Variants in TIAM1 observed in about 807,000 individuals in gnomAD.
TIAM1 encodes rho guanine nucleotide exchange factor TIAM1.
TIAM1 carries 65 observed loss-of-function variants against 163.5 expected under a neutral mutation model. That is an observed-to-expected ratio of 0.40 (90% CI 0.33 to 0.49). TIAM1 has a LOEUF of 0.49. TIAM1 is among the 20% of genes least tolerant of loss of function. The pLI is 0.77. For missense variants in TIAM1, 1,789 were observed against 2,044.7 expected, an observed-to-expected ratio of 0.87 and a Z score of 2.41; for synonymous variants, 833 against 810.1, an observed-to-expected ratio of 1.03 and a Z score of -0.48.
At chr21:31,164,824 T>G in intron 16 of TIAM1, 138 bp downstream of exon 16, 1 of 747,834 alleles carries the variant, frequency 1.3e-6, no homozygotes, top group Non-Finnish European at 2.2e-6. Flanking sequence ...CATTTCCTGC[T>G]ATTCAGCAAC....
chr21:31,364,677 A>ATGGG (rs1051441072), intron 2 of TIAM1, among the ~76,000 whole-genome samples: 30 of 152,102 alleles, frequency 2.0e-4, no homozygotes, highest in African/African-American at 6.0e-4. Context: ...GGACGGATGG[A>ATGGG]TGGATGGGTG....
In TIAM1 at chr21:31,252,208, G is replaced by C; in HGVS notation, c.964-19C>G. The stretch of plus-strand genomic sequence containing the variant: ...TAACATCCTTGGGAGCAGAAAGAGA[G>C]AGCAAAGAAGACAAGCGTCACGTGG... On this transcript the variant is annotated intron_variant, in intron 4 of 27. Coordinates refer to ENST00000541036, the MANE Select transcript of TIAM1 (RefSeq NM_001353694.2). 1 of 1,593,472 alleles carries C rather than the reference G, an allele frequency of 6.3e-7. No homozygotes were observed. The highest frequency in any genetic ancestry group is 1.3e-5 in the African/African-American group (1 of 74,862).
chr21:31,212,821 C>G (rs8130412), intron 10 of TIAM1: 15,013 of 151,324 alleles, frequency 0.099, 2,370 homozygotes, highest in African/African-American at 0.34. Flanking sequence ...TGTTAGCCAG[C>G]ATGGTCTCCA....
intron 1 of TIAM1, among the ~76,000 whole-genome samples, chr21:31,481,279 A>C (rs187377427): frequency 6.6e-6 from 1 of 152,286 alleles, no homozygotes; most frequent in East Asian, 1.9e-4. Flanking sequence ...CTTCCAAGTT[A>C]AGCCATAGCT....
At chr21:31,123,065 C>T (rs1376496134) in intron 27 of TIAM1, among the ~76,000 whole-genome samples, 2 of 152,218 alleles carry the variant, frequency 1.3e-5, no homozygotes, top group African/African-American at 4.8e-5. Flanking sequence ...GCTATGACAT[C>T]AAGGCTTTCT....
chr21:31,491,861 C>T (rs2409409), intron 1 of TIAM1, among the ~76,000 whole-genome samples: 34,735 of 151,976 alleles, frequency 0.23, 4,137 homozygotes, highest in African/African-American at 0.27. Context: ...TAAATCAGTA[C>T]ATAAATCATC....
chr21:31,512,617 CTTT>C (rs35338359), intron 1 of TIAM1, among the ~76,000 whole-genome samples: 23 of 121,728 alleles, frequency 1.9e-4, no homozygotes, highest in East Asian at 4.5e-4. Context: ...TTTTTCTTTT[CTTT>C]TTTTTTTTTT....
intron 6 of TIAM1, among the ~76,000 whole-genome samples, chr21:31,237,633 A>G (rs946532524): frequency 6.6e-6 from 1 of 152,206 alleles, no homozygotes; most frequent in African/African-American, 2.4e-5. Context: ...GACTTTCTAA[A>G]TGATGAGAAA....
At chr21:31,231,719 T>C (rs1422352960) in intron 6 of TIAM1, among the ~76,000 whole-genome samples, 1 of 152,000 alleles carries the variant, frequency 6.6e-6, no homozygotes, top group Non-Finnish European at 1.5e-5. Context: ...CTTTGCATGA[T>C]GAAAAAGAGT....
chr21:31,141,081 T>C lies in TIAM1; in HGVS notation c.3774+37A>G. The C allele has an allele frequency of 6.6e-7, 1 of 1,504,130 alleles. No homozygotes were observed. The highest frequency in any genetic ancestry group is 1.8e-4 in the Middle Eastern group (1 of 5,674). The allele number at this position is 1,504,130 out of a possible 1,614,324, so 93.2% of individuals were successfully genotyped here. ...AATAAAAGCAAACTCAAACTCGGCTTTCCTGACAGATGTCCTGAGAAGATG... is the reference window on the plus strand; with the variant it reads ...AATAAAAGCAAACTCAAACTCGGCTCTCCTGACAGATGTCCTGAGAAGATG... On this transcript the variant is annotated intron_variant, in intron 22 of 27. Transcript: ENST00000541036. The surrounding 1 kb of genome is among the most constrained non-coding windows in gnomAD (Gnocchi z 4.7).
chr21:31,242,800 C>G (rs549401201), intron 6 of TIAM1, among the ~76,000 whole-genome samples: 3 of 135,238 alleles, frequency 2.2e-5, no homozygotes, highest in Non-Finnish European at 3.1e-5. Context: ...TCAGAAAAGT[C>G]AGATCCAAAA....
chr21:31,306,732 C>T (rs150365155), intron 2 of TIAM1, among the ~76,000 whole-genome samples: 1 of 152,168 alleles, frequency 6.6e-6, no homozygotes, highest in Non-Finnish European at 1.5e-5. Context: ...AAAGTATCAA[C>T]GTTGTAAGTC....
chr21:31,428,625 G>T (rs1415816791), intron 2 of TIAM1, among the ~76,000 whole-genome samples: 1 of 152,206 alleles, frequency 6.6e-6, no homozygotes, highest in Non-Finnish European at 1.5e-5. Context: ...GCTCATGCCT[G>T]TAATTCCAGC....
chr21:31,301,183 C>T (rs1220243205), intron 2 of TIAM1, among the ~76,000 whole-genome samples: 8 of 152,194 alleles, frequency 5.3e-5, no homozygotes, highest in Non-Finnish European at 7.3e-5. Flanking sequence ...AGCTCGAATG[C>T]AGATGTGCTA....
At chr21:31,309,097 A>C (rs1305386190) in intron 2 of TIAM1, among the ~76,000 whole-genome samples, 2 of 152,226 alleles carry the variant, frequency 1.3e-5, no homozygotes, top group African/African-American at 4.8e-5. Flanking sequence ...AACTGACTAA[A>C]GATCAATTTA....
chr21:31,226,074 T>G (rs2087955132), intron 6 of TIAM1, 124 bp from the exon 7 acceptor site: 8 of 768,546 alleles, frequency 1.0e-5, no homozygotes, highest in African/African-American at 8.8e-5. Context: ...CACCCATGGA[T>G]AAGAATAACC....
intron 1 of TIAM1, among the ~76,000 whole-genome samples, chr21:31,537,241 T>A (rs2048166340): frequency 6.6e-6 from 1 of 152,080 alleles, no homozygotes; most frequent in South Asian, 2.1e-4. Flanking sequence ...TCCAGTGACA[T>A]GAGTGTTTGG....
Position 31,394,708 on chromosome 21 carries a change from G to GCTCTCTCTCT in TIAM1, c.-368-55296_-368-55287dup, listed in dbSNP as rs954246497. 2.5e-3 allele frequency among the ~76,000 whole-genome samples: 265 copies of GCTCTCTCTCT among 105,214 alleles called. 3 individuals carry two copies. The highest frequency in any genetic ancestry group is 4.6e-3 in the South Asian group (12 of 2,614). The allele number at this position is 105,214 out of a possible 152,430, so 69.0% of individuals were successfully genotyped here. A position where few individuals can be genotyped will look rare whatever the true frequency, so the allele number is the denominator to read the frequency against. On this transcript the variant is annotated intron_variant, in intron 2 of 28. Transcript: ENST00000286827. ...CTCATTCTCTCTCTCTCTCTCTCTC[G>GCTCTCTCTCT]CTCTCTCTCTCTCTCTCTCTCACAC...
intron 1 of TIAM1, among the ~76,000 whole-genome samples, chr21:31,550,619 A>C (rs1295718430): frequency 1.3e-5 from 2 of 152,208 alleles, no homozygotes; most frequent in Non-Finnish European, 2.9e-5. Context: ...CTACTTTAAA[A>C]AGAGGTGGAA....
Sources: allele counts gnomAD v4.1 joint callset (sites outside exome capture counted in the v4.1 genomes callset), GRCh38; gene constraint gnomAD v4.1.1; non-coding constraint Gnocchi (gnomAD v3.1); transcripts MANE v1.5; gene names NCBI Gene and HGNC (gene_info 2026-07-23, HGNC 2026-07-21).